Variants in GSAP observed in about 807,000 individuals in gnomAD.
The protein encoded by GSAP is gamma-secretase activating protein, also known as gamma-secretase-activating protein.
In GSAP, 118 loss-of-function variants were observed where a neutral mutation model predicts 131.7. The observed-to-expected ratio is 0.90, with a 90% confidence interval of 0.77 to 1.04. The LOEUF is 1.04. GSAP is among the 50% of genes least tolerant of loss of function. The probability of loss-of-function intolerance (pLI) is 0.00; values close to 1 mark genes in which losing one functional copy is unlikely to be tolerated. For missense variants in GSAP, 1,019 were observed against 1,013.2 expected, an observed-to-expected ratio of 1.01 and a Z score of -0.08; for synonymous variants, 381 against 363.4, an observed-to-expected ratio of 1.05 and a Z score of -0.55.
intron 23 of GSAP, among the ~76,000 whole-genome samples, chr7:77,324,414 T>G (rs1053022511): frequency 2.0e-5 from 3 of 152,164 alleles, no homozygotes; most frequent in Admixed American, 2.0e-4. Flanking sequence ...CTCTCCCTTT[T>G]GCCCAGACAA....
chr7:77,386,191 A>C (rs1272097853), intron 6 of GSAP, among the ~76,000 whole-genome samples: 1 of 152,262 alleles, frequency 6.6e-6, no homozygotes, highest in African/African-American at 2.4e-5. Context: ...AAATTATTTA[A>C]AAGATGTATT....
At chr7:77,312,386 A>C (rs891794540) in intron 28 of GSAP, among the ~76,000 whole-genome samples, 184 bp from the exon 29 acceptor site, 4 of 152,248 alleles carry the variant, frequency 2.6e-5, no homozygotes, top group Middle Eastern at 3.4e-3. Context: ...GGGAGTAAAT[A>C]CTCTCTCAAA....
At position 77,355,580 on chromosome 7, in the gene GSAP, C is replaced by G. The variant is rs897786793; in HGVS notation, c.1095G>C (p.Leu365=). 5.0e-6 allele frequency: 8 copies of G among 1,610,546 alleles called. No individual in the cohort carries two copies. In the Admixed American group the frequency reaches 5.0e-5, roughly 10 times the overall value. The stretch of plus-strand genomic sequence containing the variant: ...CTGTCAGAAAGAGATTGTGGCAGAT[C>G]AGGTCTGGATGTTGAACATTAAGTA... ...FHLLNVQHPD[L]ICHNLFLTGN... The change falls in exon 15 of 31, where the codon CTG becomes CTC. Residue 365 remains leucine (L), a synonymous_variant. Coordinates refer to ENST00000257626, the MANE Select transcript of GSAP (RefSeq NM_017439.4).
chr7:77,338,994 T>C (rs1372548500), intron 19 of GSAP, among the ~76,000 whole-genome samples: 1 of 152,120 alleles, frequency 6.6e-6, no homozygotes, highest in Non-Finnish European at 1.5e-5. Context: ...GAAATAAGTT[T>C]GGTCAGAGTA....
At chr7:77,321,193 T>C (rs959226131) in intron 25 of GSAP, 140 bp downstream of exon 25, 1 of 640,946 alleles carries the variant, frequency 1.6e-6, no homozygotes, top group African/African-American at 1.8e-5. Flanking sequence ...TAACTTTAAA[T>C]GCTGAGTATA....
At chr7:77,388,147 A>C (rs1798859597) in intron 5 of GSAP, among the ~76,000 whole-genome samples, 1 of 152,272 alleles carries the variant, frequency 6.6e-6, no homozygotes, top group Non-Finnish European at 1.5e-5. Context: ...CAACAGAGAC[A>C]CAGAAAAGAT....
At chr7:77,349,534 A>G (rs1349749280) in intron 18 of GSAP, 130 bp from the exon 19 acceptor site, 4 of 698,232 alleles carry the variant, frequency 5.7e-6, no homozygotes, top group Non-Finnish European at 7.5e-6. Flanking sequence ...TCTACTTTAA[A>G]TAAACCTTGG....
rs779913614 is a variant in GSAP at position 77,397,434 on chromosome 7, T to G, written c.244-19A>C. ...ATAGAAGCTATTAAAACAAAAATAT[T>G]TTTTAATTTGAAGTTTCATACATTA... On this transcript the variant is annotated intron_variant, in intron 3 of 30. Transcript: ENST00000257626. The G allele has an allele frequency of 1.4e-6, 2 of 1,380,614 alleles. No homozygotes were observed. The highest frequency in any genetic ancestry group is 3.7e-5 in the Admixed American group (2 of 54,564). 85.5% of individuals were successfully genotyped at this position (1,380,614 alleles called of 1,614,324 possible). A position where few individuals can be genotyped will look rare whatever the true frequency, so the allele number is the denominator to read the frequency against.
chr7:77,349,322 A>C (rs1792414805), intron 19 of GSAP, 29 bp downstream of exon 19: 1 of 1,518,456 alleles, frequency 6.6e-7, no homozygotes, highest in African/African-American at 1.4e-5. Context: ...ATGTATCTGT[A>C]CTTTTGTTTC....
intron 14 of GSAP, 32 bp from the exon 15 acceptor site, chr7:77,355,679 T>G: frequency 8.3e-7 from 1 of 1,211,078 alleles, no homozygotes; most frequent in Non-Finnish European, 1.2e-6. Context: ...ATCATCTACA[T>G]GTGGTAAAAG....
chr7:77,412,647 T>C (rs1563149861), intron 1 of GSAP, among the ~76,000 whole-genome samples: 2 of 149,592 alleles, frequency 1.3e-5, no homozygotes, highest in African/African-American at 2.5e-5. Context: ...AATAATCAAT[T>C]AAAAAAAATA....
At chr7:77,408,654 T>C (rs978520086) in intron 1 of GSAP, among the ~76,000 whole-genome samples, 2 of 136,160 alleles carry the variant, frequency 1.5e-5, no homozygotes, top group African/African-American at 5.9e-5. Flanking sequence ...TGAGCCGGGA[T>C]TGAGCCATTG....
At chr7:77,350,738 G>C (rs796533328) in intron 18 of GSAP, among the ~76,000 whole-genome samples, 1 of 151,990 alleles carries the variant, frequency 6.6e-6, no homozygotes, top group South Asian at 2.1e-4. Flanking sequence ...GCAAGACTCC[G>C]TCTCCAAAGA....
chr7:77,411,894 C>T (rs1251634273), intron 1 of GSAP, among the ~76,000 whole-genome samples: 1 of 152,140 alleles, frequency 6.6e-6, no homozygotes, highest in African/African-American at 2.4e-5. Flanking sequence ...AAGATGTTGT[C>T]ATGGCCGGGC....
At chr7:77,371,222 T>C (rs1454750071) in intron 12 of GSAP, among the ~76,000 whole-genome samples, 1 of 152,206 alleles carries the variant, frequency 6.6e-6, no homozygotes, top group East Asian at 1.9e-4. Context: ...TGTTCACTCA[T>C]TTGCTGATGC....
rs759012113 is a variant in GSAP at position 77,377,237 on chromosome 7, T to TGTAAAAAAAAAAAAAAA, written c.681+48_681+49insTTTTTTTTTTTTTTTAC. ...GTCTCTAAAAAAATTAATATTTTTG[T>TGTAAAAAAAAAAAAAAA]AAAAAAAAAAAAAAAAAAAAAGGAG... On this transcript the variant is annotated intron_variant, in intron 9 of 30. Transcript: ENST00000257626. 48 of 894,426 alleles carry TGTAAAAAAAAAAAAAAA rather than the reference T, an allele frequency of 5.4e-5. No homozygotes were observed. In the African/African-American group the frequency reaches 1.2e-3, roughly 22 times the overall value. 55.4% of individuals were successfully genotyped at this position (894,426 alleles called of 1,614,324 possible).
chr7:77,311,892 G>A lies in GSAP; in HGVS notation c.2422C>T (p.Pro808Ser), dbSNP rs1794408676. ...AGAATTTCAATGAAGTAGTTCAGAG[G>A]CAGAAATTCTACACTGAACGATGAC... ...NKSSFSVEFL[P>S]LNYFIEILTD... Residue 808 changes from proline (P) to serine (S), a missense_variant, in exon 30 of 31, where the codon CCT becomes TCT. Coordinates refer to ENST00000257626, the MANE Select transcript of GSAP (RefSeq NM_017439.4). 5.6e-6 allele frequency: 9 copies of A among 1,603,766 alleles called. No individual in the cohort carries two copies. The highest frequency in any genetic ancestry group is 7.7e-6 in the Non-Finnish European group (9 of 1,170,662).
rs975453811 is a variant in GSAP, at chr7:77,336,355, A to T, written c.1546-5988T>A. 6.6e-4 allele frequency among the ~76,000 whole-genome samples: 101 copies of T among 152,338 alleles called. 1 individual carries two copies. The highest frequency in any genetic ancestry group is 2.1e-4 in the South Asian group (1 of 4,832). ...AGACCAGCACAGTGTAGTAGGTGGTAGAAGAGGAACAGAAACAAGAATCCT... is the reference window on the plus strand; with the variant it reads ...AGACCAGCACAGTGTAGTAGGTGGTTGAAGAGGAACAGAAACAAGAATCCT... On this transcript the variant is annotated intron_variant, in intron 19 of 30. Transcript: ENST00000257626.
At chr7:77,362,874 G>T (rs1404580205) in intron 12 of GSAP, among the ~76,000 whole-genome samples, 1 of 152,164 alleles carries the variant, frequency 6.6e-6, no homozygotes, top group Non-Finnish European at 1.5e-5. Context: ...ACATATTGTG[G>T]CAGGCTATTG....
Sources: allele counts gnomAD v4.1 joint callset (sites outside exome capture counted in the v4.1 genomes callset), GRCh38; gene constraint gnomAD v4.1.1; transcripts MANE v1.5; gene names NCBI Gene and HGNC (gene_info 2026-07-23, HGNC 2026-07-21).